The following ZNF618 variants were observed in gnomAD, a reference collection of about 807,000 sequenced individuals.
ZNF618 encodes the protein neural precursor cell expressed, developmentally down-regulated 10.
A neutral mutation model predicts 103.0 loss-of-function variants in ZNF618; 34 were observed. That is an observed-to-expected ratio of 0.33 (90% CI 0.25 to 0.44). The LOEUF (loss-of-function observed/expected upper bound fraction) is 0.44. Ranked by LOEUF, ZNF618 falls within the 20% of genes least tolerant of loss-of-function variation. The pLI is 1.00. For synonymous variants in ZNF618, 551 were observed against 542.2 expected, an observed-to-expected ratio of 1.02 and a Z score of -0.23; for missense variants, 1,059 against 1,295.4, an observed-to-expected ratio of 0.82 and a Z score of 2.80.
chr9:114,033,370 A>G (rs879391294), intron 12 of ZNF618, among the ~76,000 whole-genome samples: 3 of 150,228 alleles, frequency 2.0e-5, no homozygotes, highest in Non-Finnish European at 2.9e-5. Flanking sequence ...TGGGTGACAG[A>G]GCGAGACTCT....
At chr9:113,922,742 C>T (rs1261949143) in intron 1 of ZNF618, among the ~76,000 whole-genome samples, 1 of 152,148 alleles carries the variant, frequency 6.6e-6, no homozygotes, top group Non-Finnish European at 1.5e-5. Flanking sequence ...TGTCAATCCT[C>T]CAACTTTATT....
chr9:114,007,366 A>G lies in ZNF618; in HGVS notation c.567A>G (p.Thr189=). The G allele has an allele frequency of 6.2e-7, 1 of 1,613,816 alleles. No individual in the cohort carries two copies. The highest frequency in any genetic ancestry group is 1.1e-5 in the South Asian group (1 of 91,030). The change falls in exon 7 of 15, where the codon ACA becomes ACG. Residue 189 remains threonine (T), a synonymous_variant. Coordinates refer to ENST00000374126, the MANE Select transcript of ZNF618 (RefSeq NM_001318042.2). The stretch of plus-strand genomic sequence containing the variant: ...CCCATGCAGACAATTTCAGGTACAC[A>G]TGTGATATCTGCGGGAAGAAGTACA... The part of the protein sequence containing the change: ...GASQSNNFRY[T]CDICGKKYKY...
chr9:113,963,900 A>G (rs1837102191), intron 1 of ZNF618, among the ~76,000 whole-genome samples: 1 of 152,184 alleles, frequency 6.6e-6, no homozygotes, highest in African/African-American at 2.4e-5. Context: ...CTGCAGCCCC[A>G]GTCCCAGTCC....
At chr9:113,961,229 C>T (rs920207673) in intron 1 of ZNF618, among the ~76,000 whole-genome samples, 2 of 152,206 alleles carry the variant, frequency 1.3e-5, no homozygotes, top group Non-Finnish European at 2.9e-5. Context: ...CTTTTCCCTT[C>T]AGAGCACGTA....
At chr9:113,907,850 T>G (rs767333117) in intron 1 of ZNF618, among the ~76,000 whole-genome samples, 15 of 152,212 alleles carry the variant, frequency 9.9e-5, no homozygotes, top group Non-Finnish European at 1.9e-4. Flanking sequence ...GTTGTTTGAT[T>G]TATCCTGATT....
At chr9:114,017,620 G>A (rs554403981) in intron 10 of ZNF618, among the ~76,000 whole-genome samples, 1 of 152,306 alleles carries the variant, frequency 6.6e-6, no homozygotes, top group South Asian at 2.1e-4. Context: ...CAGTAGGGCT[G>A]GATGTTTAGC....
At chr9:113,994,749 G>T (rs1356995342) in intron 3 of ZNF618, among the ~76,000 whole-genome samples, 1 of 152,154 alleles carries the variant, frequency 6.6e-6, no homozygotes, top group Non-Finnish European at 1.5e-5. Flanking sequence ...TGCCTCTGGG[G>T]TTACCTCTAG....
intron 13 of ZNF618, among the ~76,000 whole-genome samples, chr9:114,044,456 G>A (rs1845485803): frequency 6.6e-6 from 1 of 152,138 alleles, no homozygotes; most frequent in African/African-American, 2.4e-5. Flanking sequence ...TTGTAGTATA[G>A]TTCGAAGTCC....
At chr9:113,913,176 C>T (rs1361436368) in intron 1 of ZNF618, among the ~76,000 whole-genome samples, 1 of 151,972 alleles carries the variant, frequency 6.6e-6, no homozygotes, top group Non-Finnish European at 1.5e-5. Flanking sequence ...GGGAAGCTGC[C>T]CCTAGAATCT....
intron 1 of ZNF618, among the ~76,000 whole-genome samples, chr9:113,903,429 G>A (rs1213656188): frequency 1.3e-5 from 2 of 151,110 alleles, no homozygotes; most frequent in African/African-American, 4.9e-5. Flanking sequence ...CACTTAATAG[G>A]GTGTTCGCAA....
chr9:113,943,592 AT>A lies in ZNF618; in HGVS notation c.34-25512del, dbSNP rs1257137336. On this transcript the variant is annotated intron_variant, in intron 1 of 14. Transcript: ENST00000374126. ...GGCCCCAGTGTGGCCAGATCTTCTG[AT>A]TTTTTTTTTTTTAAGAAAAGCTGTA... 8.2e-3 allele frequency among the ~76,000 whole-genome samples: 1,176 copies of A among 143,956 alleles called. 13 individuals carry two copies. Among genetic ancestry groups the A allele is most frequent in the African/African-American group, 0.025 (974 of 39,432 alleles). The allele number at this position is 143,956 out of a possible 152,430, so 94.4% of individuals were successfully genotyped here.
At chr9:113,990,657 G>A (rs545476006) in intron 3 of ZNF618, among the ~76,000 whole-genome samples, 4 of 152,278 alleles carry the variant, frequency 2.6e-5, no homozygotes, top group Non-Finnish European at 4.4e-5. Flanking sequence ...AGAGACTTAC[G>A]CTGGCAATTA....
At chr9:113,945,634 G>C (rs1265998711) in intron 1 of ZNF618, among the ~76,000 whole-genome samples, 1 of 152,196 alleles carries the variant, frequency 6.6e-6, no homozygotes, top group African/African-American at 2.4e-5. Context: ...CCTAACAGTG[G>C]GGCTAGGGCG....
intron 14 of ZNF618, among the ~76,000 whole-genome samples, chr9:114,048,343 C>T (rs1248365056): frequency 1.3e-5 from 2 of 152,124 alleles, no homozygotes; most frequent in Non-Finnish European, 2.9e-5. Flanking sequence ...AGAGGAGATT[C>T]CTGTATTGAG....
chr9:114,049,678 C>T lies in ZNF618; in HGVS notation c.2376C>T (p.Leu792=). 6 of 1,613,842 alleles carry T rather than the reference C, an allele frequency of 3.7e-6. No individual in the cohort carries two copies. The highest frequency in any genetic ancestry group is 4.2e-6 in the Non-Finnish European group (5 of 1,179,910). ...TCTGCCACCTCTTCCTGGAGGCGCTCAAGGAGAACTTCAAGGTGCACCCGG... is the reference window on the plus strand; with the variant it reads ...TCTGCCACCTCTTCCTGGAGGCGCTTAAGGAGAACTTCAAGGTGCACCCGG... ...SKLCHLFLEA[L]KENFKVHPAH... is the part of the protein sequence containing the mutation. The change falls in exon 15 of 15, where the codon CTC becomes CTT. Residue 792 remains leucine (L), a synonymous_variant. Transcript: ENST00000374126.
chr9:114,046,011 T>A (rs1007154637), intron 13 of ZNF618, among the ~76,000 whole-genome samples: 2 of 152,138 alleles, frequency 1.3e-5, no homozygotes, highest in African/African-American at 4.8e-5. Flanking sequence ...TTTTCTTAAC[T>A]TTTGGAATGT....
intron 3 of ZNF618, among the ~76,000 whole-genome samples, chr9:113,994,054 A>G (rs1004928736): frequency 2.0e-5 from 3 of 152,136 alleles, no homozygotes; most frequent in Non-Finnish European, 4.4e-5. Context: ...GATAGATGGG[A>G]GACTGGATTC....
intron 10 of ZNF618, 111 bp downstream of exon 10, chr9:114,016,895 CTCAGTTCTGGG>C: frequency 1.2e-6 from 1 of 802,624 alleles, no homozygotes; most frequent in Non-Finnish European, 2.0e-6. Flanking sequence ...GCAAGGTGAG[CTCAGTTCTGGG>C]TCAGTCTTTA....
intron 1 of ZNF618, among the ~76,000 whole-genome samples, chr9:113,915,545 A>G (rs10513222): frequency 0.5 from 76,305 of 151,980 alleles, 19,498 homozygotes; most frequent in Non-Finnish European, 0.55. Flanking sequence ...GCCATCCGAG[A>G]CTCTAAGGAA....
Sources: allele counts gnomAD v4.1 joint callset (sites outside exome capture counted in the v4.1 genomes callset), GRCh38; gene constraint gnomAD v4.1.1; transcripts MANE v1.5; gene names NCBI Gene and HGNC (gene_info 2026-07-23, HGNC 2026-07-21).